THSD4: variants seen among roughly 807,000 people sequenced by gnomAD.
THSD4 encodes thrombospondin type 1 domain containing 4.
THSD4 carries 69 observed loss-of-function variants against 119.0 expected under a neutral mutation model. That is an observed-to-expected ratio of 0.58 (90% CI 0.48 to 0.71). The LOEUF (loss-of-function observed/expected upper bound fraction) is 0.71, where lower values mean the gene tolerates loss of function less well. Ranked by LOEUF, THSD4 falls within the 30% of genes least tolerant of loss-of-function variation. The pLI is 0.00. For synonymous variants in THSD4, 524 were observed against 540.4 expected (o/e 0.97, Z 0.42); for missense variants, 1,393 against 1,391.1 (o/e 1.00, Z -0.02).
chr15:71,661,405 T>A (rs9745154), intron 8 of THSD4, among the ~76,000 whole-genome samples: 597 of 149,662 alleles, frequency 4.0e-3, no homozygotes, highest in Middle Eastern at 0.01. Context: ...TTATTTATTT[T>A]TTTTTTTTGA....
intron 7 of THSD4, among the ~76,000 whole-genome samples, chr15:71,638,981 C>T (rs1184798345): frequency 2.0e-5 from 3 of 152,186 alleles, no homozygotes; most frequent in Non-Finnish European, 4.4e-5. Flanking sequence ...TCTTTGCAGT[C>T]ATGTCCCCCA....
intron 6 of THSD4, among the ~76,000 whole-genome samples, chr15:71,346,126 C>T (rs201058737): frequency 3.3e-5 from 5 of 151,786 alleles, no homozygotes; most frequent in African/African-American, 1.2e-4. Flanking sequence ...TGTCGCATCT[C>T]TGGTCTCCTT....
intron 8 of THSD4, among the ~76,000 whole-genome samples, chr15:71,718,531 C>T (rs988017926): frequency 3.9e-5 from 6 of 152,130 alleles, no homozygotes; most frequent in Non-Finnish European, 5.9e-5. Context: ...TAGCTGCCAG[C>T]GTAGGCTCCT....
At chr15:71,560,836 C>A (rs974260779) in intron 7 of THSD4, among the ~76,000 whole-genome samples, 3 of 152,074 alleles carry the variant, frequency 2.0e-5, no homozygotes, top group Non-Finnish European at 4.4e-5. Context: ...ATCATAAACC[C>A]CTTGAATAGA....
intron 1 of THSD4, among the ~76,000 whole-genome samples, chr15:71,132,185 C>T (rs570747617): frequency 6.6e-6 from 1 of 152,234 alleles, no homozygotes; most frequent in South Asian, 2.1e-4. Context: ...TGTGAAGGAC[C>T]TTAGTCATAC....
chr15:71,656,322 C>T (rs748070738), intron 7 of THSD4, among the ~76,000 whole-genome samples: 3 of 152,044 alleles, frequency 2.0e-5, no homozygotes, highest in Middle Eastern at 3.4e-3. Context: ...GAAAGACCAC[C>T]GAAACTCTCT....
intron 6 of THSD4, among the ~76,000 whole-genome samples, chr15:71,269,320 A>G (rs1306139441): frequency 2.0e-5 from 3 of 152,234 alleles, no homozygotes; most frequent in Non-Finnish European, 4.4e-5. Context: ...AACGTACTCC[A>G]TCACATAAAG....
rs565565329 is a variant in THSD4, at chr15:71,399,933, A to G, written c.1016-11754A>G. ...ATGAGCAGTGCTAAGAAGACTATTG[A>G]TAGAAAATTGAGCCAATGATTTTTT... is the stretch of plus-strand genomic sequence containing the variant. On this transcript the variant is annotated intron_variant, in intron 6 of 17. Transcript: ENST00000261862. Among the ~76,000 whole-genome samples the G allele has an allele frequency of 2.0e-5, 3 of 152,348 alleles. No individual in the cohort carries two copies. In the South Asian group the frequency reaches 6.2e-4, roughly 32 times the overall value.
chr15:71,513,421 T>A (rs545496773), intron 7 of THSD4, among the ~76,000 whole-genome samples: 1 of 152,290 alleles, frequency 6.6e-6, no homozygotes, highest in Non-Finnish European at 1.5e-5. Flanking sequence ...TCAATAAGAC[T>A]AACAACTTAA....
intron 6 of THSD4, among the ~76,000 whole-genome samples, chr15:71,394,784 C>T (rs1236255329): frequency 1.3e-5 from 2 of 152,222 alleles, no homozygotes; most frequent in African/African-American, 2.4e-5. Flanking sequence ...GAGACTTTGC[C>T]ATCACAGCAC....
In THSD4 at chr15:71,242,380, T is replaced by C. The variant is rs965810689; in HGVS notation, c.465-269T>C. Among the ~76,000 whole-genome samples the C allele has an allele frequency of 2.0e-5, 3 of 152,202 alleles. No homozygotes were observed. The South Asian group carries it at 6.2e-4, about 32-fold the overall frequency. On this transcript the variant is annotated intron_variant, in intron 4 of 17. Coordinates refer to ENST00000261862, the MANE Select transcript of THSD4 (RefSeq NM_024817.3). ...ACACGCTGACCATAGTTTACTGTTC[T>C]AATCTCATTTCCAACCACTTGCATC...
At chr15:71,551,517 G>C (rs557340401) in intron 7 of THSD4, among the ~76,000 whole-genome samples, 1 of 152,150 alleles carries the variant, frequency 6.6e-6, no homozygotes, top group Non-Finnish European at 1.5e-5. Context: ...ATTATCTGTC[G>C]TGATTCAGTG....
intron 6 of THSD4, among the ~76,000 whole-genome samples, chr15:71,274,974 A>G (rs2140307617): frequency 6.6e-6 from 1 of 152,264 alleles, no homozygotes; most frequent in East Asian, 1.9e-4. Flanking sequence ...AAAATATTAA[A>G]TACTGAGACC....
chr15:71,770,681 G>A (rs1240952036), intron 16 of THSD4, among the ~76,000 whole-genome samples: 2 of 152,096 alleles, frequency 1.3e-5, no homozygotes, highest in African/African-American at 4.8e-5. Context: ...TATAGGATTC[G>A]CAAGATAAGT....
At chr15:71,559,771 A>G (rs1458528370) in intron 7 of THSD4, among the ~76,000 whole-genome samples, 1 of 152,184 alleles carries the variant, frequency 6.6e-6, no homozygotes, top group Non-Finnish European at 1.5e-5. Context: ...CCTTACTTTA[A>G]CTCACTCTCC....
At chr15:71,442,658 G>GTC in intron 7 of THSD4, among the ~76,000 whole-genome samples, 1 of 31,344 alleles carries the variant, frequency 3.2e-5, no homozygotes. Context: ...GTGTGTGTGT[G>GTC]TGTATATATA....
intron 7 of THSD4, among the ~76,000 whole-genome samples, chr15:71,507,520 G>T (rs1427167138): frequency 1.1e-4 from 16 of 152,150 alleles, no homozygotes; most frequent in African/African-American, 3.9e-4. Context: ...TCCCCTTCTG[G>T]TATGTTCTCA....
chr15:71,483,172 T>A (rs1175795145), intron 7 of THSD4, among the ~76,000 whole-genome samples: 1 of 152,056 alleles, frequency 6.6e-6, no homozygotes. Flanking sequence ...TAGAGAAACA[T>A]GAAAGAGAGA....
In THSD4 at chr15:71,274,952, T is replaced by A. The variant is rs1263501884; in HGVS notation, c.1015+18237T>A. ...AGGACTTGAAACCAAGCATAGAGCT[T>A]AAACTCACTGCAAAATATTAAATAC... is the stretch of plus-strand genomic sequence containing the variant. On this transcript the variant is annotated intron_variant, in intron 6 of 17. Transcript: ENST00000261862. 2.6e-5 allele frequency among the ~76,000 whole-genome samples: 4 copies of A among 152,254 alleles called. No homozygotes were observed. The East Asian group carries it at 7.7e-4, about 29-fold the overall frequency.
Sources: gnomAD v4.1 joint callset for allele counts (sites outside exome capture counted in the v4.1 genomes callset) on GRCh38, gnomAD v4.1.1 for gene constraint, MANE v1.5 for transcripts, NCBI Gene and HGNC (gene_info 2026-07-23, HGNC 2026-07-21) for gene names.